The following CHRM3 variants were observed in gnomAD, a reference collection of about 807,000 sequenced individuals.
CHRM3 encodes the protein cholinergic receptor muscarinic 3.
Under a neutral mutation model 41.8 loss-of-function variants are expected in CHRM3, and 11 were observed. That is an observed-to-expected ratio of 0.26 (90% CI 0.17 to 0.44). The LOEUF is 0.44. Ranked by LOEUF, CHRM3 falls within the 20% of genes least tolerant of loss-of-function variation. CHRM3 has a pLI of 1.00. For missense variants in CHRM3, 571 were observed against 745.4 expected (o/e 0.77, Z 2.72); for synonymous variants, 297 against 301.4 (o/e 0.99, Z 0.15).
At chr1:239,502,261 A>G (rs1668289991) in intron 2 of CHRM3, among the ~76,000 whole-genome samples, 1 of 152,200 alleles carries the variant, frequency 6.6e-6, no homozygotes. Flanking sequence ...ATTACAACCG[A>G]CACCACAGAA....
At chr1:239,845,224 T>A (rs1164736400) in intron 6 of CHRM3, among the ~76,000 whole-genome samples, 1 of 152,170 alleles carries the variant, frequency 6.6e-6, no homozygotes, top group African/African-American at 2.4e-5. Flanking sequence ...TTCTGAGGTG[T>A]TCAGGGACTT....
At chr1:239,788,331 C>T (rs1286603851) in intron 5 of CHRM3, among the ~76,000 whole-genome samples, 2 of 152,180 alleles carry the variant, frequency 1.3e-5, no homozygotes, top group Admixed American at 6.5e-5. Flanking sequence ...AGAAAGCAGA[C>T]AACCACCAAC....
intron 5 of CHRM3, among the ~76,000 whole-genome samples, chr1:239,701,200 A>C (rs1435437157): frequency 6.6e-6 from 1 of 152,186 alleles, no homozygotes; most frequent in African/African-American, 2.4e-5. Context: ...ACATAGTACC[A>C]CTGACCATCA....
chr1:239,532,656 C>T (rs1657751537), intron 2 of CHRM3, among the ~76,000 whole-genome samples: 1 of 150,324 alleles, frequency 6.7e-6, no homozygotes, highest in Non-Finnish European at 1.5e-5. Context: ...AGGAGTTCCA[C>T]TCTACTTGAT....
chr1:239,811,928 C>T (rs10925981), intron 5 of CHRM3, among the ~76,000 whole-genome samples: 1,678 of 152,226 alleles, frequency 0.011, 34 homozygotes, highest in African/African-American at 0.039. Context: ...ATAGATTTTG[C>T]AAGTAAGCAA....
At chr1:239,874,291 A>ATATATATATATATATATATATACACAG (rs1676871618) in intron 6 of CHRM3, among the ~76,000 whole-genome samples, 1 of 67,406 alleles carries the variant, frequency 1.5e-5, no homozygotes, top group South Asian at 4.4e-4. Context: ...CACAGTATAT[A>ATATATATATATATATATATATACACAG]TATATATATA....
intron 6 of CHRM3, among the ~76,000 whole-genome samples, chr1:239,905,088 G>A (rs894658817): frequency 6.6e-6 from 1 of 152,178 alleles, no homozygotes; most frequent in Non-Finnish European, 1.5e-5. Flanking sequence ...TACTGTGAAT[G>A]CTGAATGTAT....
intron 5 of CHRM3, among the ~76,000 whole-genome samples, chr1:239,782,123 C>T (rs531981): frequency 0.76 from 115,535 of 151,940 alleles, 45,071 homozygotes; most frequent in Non-Finnish European, 0.86. Context: ...TAATGTTAGC[C>T]TCATAGAGTG....
intron 5 of CHRM3, among the ~76,000 whole-genome samples, chr1:239,815,864 C>A (rs1443332320): frequency 6.6e-6 from 1 of 152,194 alleles, no homozygotes; most frequent in Non-Finnish European, 1.5e-5. Context: ...TCTTAATTAA[C>A]TCTTCTCCAG....
chr1:239,837,839 A>T (rs772662730), intron 6 of CHRM3, among the ~76,000 whole-genome samples: 1 of 152,144 alleles, frequency 6.6e-6, no homozygotes, highest in East Asian at 1.9e-4. Context: ...TTACCCATTC[A>T]TTGAGTTTTT....
At chr1:239,895,804 C>T (rs1221437046) in intron 6 of CHRM3, among the ~76,000 whole-genome samples, 1 of 152,100 alleles carries the variant, frequency 6.6e-6, no homozygotes, top group East Asian at 1.9e-4. Context: ...ACAACATATA[C>T]CAGGGCCATA....
intron 3 of CHRM3, among the ~76,000 whole-genome samples, chr1:239,629,708 C>A (rs1466564592): frequency 6.6e-6 from 1 of 152,126 alleles, no homozygotes; most frequent in Admixed American, 6.5e-5. Flanking sequence ...GCCAGTACAA[C>A]TTTAAAAAGT....
chr1:239,495,413 A>G (rs1483115762), intron 2 of CHRM3, among the ~76,000 whole-genome samples: 5 of 152,208 alleles, frequency 3.3e-5, no homozygotes, highest in African/African-American at 1.2e-4. Flanking sequence ...TTTAGCCTAC[A>G]GTCCTTCTCT....
At chr1:239,610,631 G>A (rs970863169) in intron 3 of CHRM3, among the ~76,000 whole-genome samples, 1 of 152,092 alleles carries the variant, frequency 6.6e-6, no homozygotes, top group East Asian at 1.9e-4. Flanking sequence ...ATGAGAAAAC[G>A]GAGGCACAGC....
At chr1:239,816,429 C>T (rs1037708950) in intron 5 of CHRM3, among the ~76,000 whole-genome samples, 4 of 152,136 alleles carry the variant, frequency 2.6e-5, no homozygotes, top group African/African-American at 4.8e-5. Context: ...CTAATCCCCA[C>T]AGAGCATCTA....
intron 3 of CHRM3, among the ~76,000 whole-genome samples, chr1:239,585,088 C>G (rs889679072): frequency 2.0e-5 from 3 of 149,626 alleles, no homozygotes; most frequent in African/African-American, 7.3e-5. Context: ...TACACACATA[C>G]GTATATACAT....
At chr1:239,452,939 T>C (rs754896691) in intron 1 of CHRM3, among the ~76,000 whole-genome samples, 17 of 152,162 alleles carry the variant, frequency 1.1e-4, no homozygotes, top group South Asian at 4.1e-4. Flanking sequence ...TAGCTGGGAC[T>C]ACAGGCACGC....
intron 3 of CHRM3, among the ~76,000 whole-genome samples, chr1:239,624,529 T>C (rs1460695126): frequency 6.7e-6 from 1 of 149,922 alleles, no homozygotes; most frequent in African/African-American, 2.5e-5. Context: ...CAATTTTGGC[T>C]TTTGTTGCCA....
chr1:239,463,121 GT>G (rs1194714893), intron 1 of CHRM3, among the ~76,000 whole-genome samples: 1 of 152,132 alleles, frequency 6.6e-6, no homozygotes, highest in Admixed American at 6.5e-5. Flanking sequence ...CCTTATAATG[GT>G]TTTGAGGATG....
Sources: allele counts gnomAD v4.1 joint callset (sites outside exome capture counted in the v4.1 genomes callset), GRCh38; gene constraint gnomAD v4.1.1; transcripts MANE v1.5; gene names NCBI Gene and HGNC (gene_info 2026-07-23, HGNC 2026-07-21).